The following B3GALT1 variants were observed in gnomAD, a reference collection of about 807,000 sequenced individuals.
B3GALT1 encodes UDP-Gal:betaGlcNAc beta 1,3-galactosyltransferase, polypeptide 1.
A neutral mutation model predicts 23.2 loss-of-function variants in B3GALT1; 10 were observed. The observed-to-expected ratio is 0.43, with a 90% CI of 0.27 to 0.73. The LOEUF is 0.73. B3GALT1 is among the 30% of genes least tolerant of loss of function. The pLI is 0.21. For synonymous variants in B3GALT1, 156 were observed against 141.5 expected (o/e 1.10, Z -0.73); for missense variants, 299 against 405.4 (o/e 0.74, Z 2.25).
At chr2:167,311,555 A>T (rs1419849194) in intron 1 of B3GALT1, among the ~76,000 whole-genome samples, 1 of 152,060 alleles carries the variant, frequency 6.6e-6, no homozygotes, top group Non-Finnish European at 1.5e-5. Context: ...TTAAATAATC[A>T]TATGTAAACT....
rs990532132 is a variant in B3GALT1 at position 167,664,102 on chromosome 2, G to A, written c.-352+17136G>A. On this transcript the variant is annotated intron_variant, in intron 3 of 4. Coordinates refer to ENST00000392690, the MANE Select transcript of B3GALT1 (RefSeq NM_020981.4). ...GGGTTTTTATGGTTTTAGGTCTAAC[G>A]TTTAAGTCTTTAATCCATCTTGAAT... is the stretch of plus-strand genomic sequence containing the variant. Among the ~76,000 whole-genome samples the A allele has an allele frequency of 3.4e-4, 52 of 150,862 alleles. 2 individuals are homozygous for A. Among genetic ancestry groups the A allele is most frequent in the African/African-American group, 9.8e-4 (40 of 40,610 alleles).
At chr2:167,710,352 T>G (rs1574225236) in intron 3 of B3GALT1, among the ~76,000 whole-genome samples, 1 of 152,246 alleles carries the variant, frequency 6.6e-6, no homozygotes, top group East Asian at 1.9e-4. Flanking sequence ...CACAGAATTT[T>G]TAAATTAGAA....
At chr2:167,673,989 G>A (rs1418346021) in intron 3 of B3GALT1, among the ~76,000 whole-genome samples, 1 of 151,952 alleles carries the variant, frequency 6.6e-6, no homozygotes, top group African/African-American at 2.4e-5. Context: ...ATATTTACTG[G>A]TTCTCAGTTA....
chr2:167,509,295 T>G (rs1196994220), intron 2 of B3GALT1, among the ~76,000 whole-genome samples: 1 of 152,168 alleles, frequency 6.6e-6, no homozygotes, highest in Non-Finnish European at 1.5e-5. Context: ...TCAAATGAAA[T>G]GACACATATG....
intron 1 of B3GALT1, among the ~76,000 whole-genome samples, chr2:167,352,012 T>A (rs1697316588): frequency 6.8e-6 from 1 of 146,880 alleles, no homozygotes; most frequent in African/African-American, 2.6e-5. Context: ...CAGGCTGGAG[T>A]GTAGTGGCAC....
At chr2:167,492,877 A>ATGTGTGTGTGTG (rs61117741) in intron 2 of B3GALT1, among the ~76,000 whole-genome samples, 4 of 149,090 alleles carry the variant, frequency 2.7e-5, no homozygotes, top group African/African-American at 9.9e-5. Context: ...GTATTTAGAG[A>ATGTGTGTGTGTG]TGTGTGTGTG....
At chr2:167,684,375 T>C (rs965681719) in intron 3 of B3GALT1, among the ~76,000 whole-genome samples, 5 of 152,246 alleles carry the variant, frequency 3.3e-5, no homozygotes, top group African/African-American at 1.2e-4. Flanking sequence ...CAGTGTCTGA[T>C]TTAATTTCAA....
chr2:167,512,610 A>ATATATATATGTG (rs1297259757), intron 2 of B3GALT1, among the ~76,000 whole-genome samples: 1 of 110,730 alleles, frequency 9.0e-6, no homozygotes, highest in East Asian at 5.5e-4. Flanking sequence ...ATATATATGT[A>ATATATATATGTG]TATATATATA....
At chr2:167,805,702 C>G (rs1208347731) in intron 3 of B3GALT1, among the ~76,000 whole-genome samples, 1 of 152,184 alleles carries the variant, frequency 6.6e-6, no homozygotes, top group Non-Finnish European at 1.5e-5. Flanking sequence ...TGTTTTGGTA[C>G]CAGTACCATG....
At chr2:167,615,705 A>C (rs867642183) in intron 2 of B3GALT1, among the ~76,000 whole-genome samples, 1 of 152,132 alleles carries the variant, frequency 6.6e-6, no homozygotes, top group Non-Finnish European at 1.5e-5. Flanking sequence ...CAGAATACTA[A>C]TATCTCTAAT....
chr2:167,297,283 G>T (rs1379210571), intron 1 of B3GALT1, among the ~76,000 whole-genome samples: 1 of 151,850 alleles, frequency 6.6e-6, no homozygotes, highest in East Asian at 1.9e-4. Flanking sequence ...ATTCAAAAGG[G>T]ATGAGTGAAT....
chr2:167,840,094 A>T (rs921430514), intron 4 of B3GALT1, among the ~76,000 whole-genome samples: 2 of 152,348 alleles, frequency 1.3e-5, no homozygotes, highest in South Asian at 4.1e-4. Flanking sequence ...AAACCTAGGC[A>T]TTACCATTCA....
intron 2 of B3GALT1, among the ~76,000 whole-genome samples, chr2:167,575,725 T>G (rs1458291572): frequency 6.6e-6 from 1 of 151,848 alleles, no homozygotes; most frequent in Non-Finnish European, 1.5e-5. Flanking sequence ...AAGTTTTACG[T>G]AGGCAATCTG....
chr2:167,852,887 G>T (rs1689931618), intron 4 of B3GALT1, among the ~76,000 whole-genome samples: 1 of 152,084 alleles, frequency 6.6e-6, no homozygotes, highest in Admixed American at 6.6e-5. Context: ...AATGCTTCTT[G>T]CACTGTGCTA....
intron 2 of B3GALT1, among the ~76,000 whole-genome samples, chr2:167,514,801 A>G (rs17622965): frequency 0.012 from 1,804 of 152,318 alleles, 17 homozygotes; most frequent in Middle Eastern, 0.02. Flanking sequence ...CCTTAACATG[A>G]AAATAATAAT....
chr2:167,821,034 T>G (rs1259340956), intron 4 of B3GALT1, among the ~76,000 whole-genome samples: 1 of 152,222 alleles, frequency 6.6e-6, no homozygotes, highest in Non-Finnish European at 1.5e-5. Flanking sequence ...GCTATTGATA[T>G]GATAATGCAA....
At chr2:167,390,016 A>C (rs1697995923) in intron 1 of B3GALT1, among the ~76,000 whole-genome samples, 1 of 152,038 alleles carries the variant, frequency 6.6e-6, no homozygotes, top group African/African-American at 2.4e-5. Flanking sequence ...GAGCTGTATT[A>C]AGGACGCATC....
chr2:167,724,088 G>A (rs116623650), intron 3 of B3GALT1, among the ~76,000 whole-genome samples: 2,448 of 152,254 alleles, frequency 0.016, 67 homozygotes, highest in African/African-American at 0.054. Context: ...CATCAATAGA[G>A]ACATTCTCCT....
At chr2:167,512,090 G>A (rs963284102) in intron 2 of B3GALT1, among the ~76,000 whole-genome samples, 1 of 151,660 alleles carries the variant, frequency 6.6e-6, no homozygotes, top group Non-Finnish European at 1.5e-5. Context: ...TATGATAGAG[G>A]GCAAATTGTC....
Sources: allele counts gnomAD v4.1 joint callset (sites outside exome capture counted in the v4.1 genomes callset), GRCh38; gene constraint gnomAD v4.1.1; transcripts MANE v1.5; gene names NCBI Gene and HGNC (gene_info 2026-07-23, HGNC 2026-07-21).